The following SNX16 variants were observed in gnomAD, a reference collection of about 807,000 sequenced individuals.
SNX16 encodes the protein sorting nexin-16.
Under a neutral mutation model 36.7 loss-of-function variants are expected in SNX16, and 35 were observed. The observed-to-expected ratio is 0.95, with a 90% confidence interval of 0.73 to 1.27. SNX16 has a LOEUF of 1.27. SNX16 is among the 50% of genes most tolerant of loss of function. The pLI is 0.00. For missense variants in SNX16, 367 were observed against 393.6 expected (o/e 0.93, Z 0.57); for synonymous variants, 134 against 132.0 (o/e 1.02, Z -0.10).
intron 5 of SNX16, among the ~76,000 whole-genome samples, chr8:81,804,177 A>C (rs1488356746): frequency 1.3e-5 from 2 of 151,820 alleles, no homozygotes; most frequent in East Asian, 3.9e-4. Flanking sequence ...CACTCAGTTA[A>C]ATCATACTTC....
rs779445225 is a variant in SNX16, at chr8:81,815,431, A to G, written c.612-37T>C. 5 of 1,587,436 alleles carry G rather than the reference A, an allele frequency of 3.1e-6. No homozygotes were observed. The African/African-American group carries it at 5.4e-5, about 17-fold the overall frequency. On this transcript the variant is annotated intron_variant, in intron 4 of 7. Transcript: ENST00000345957. Reference sequence around the variant, plus strand: ...AAAAAAAAAATGATCTGAAGTACAAATAAGTTTGCAAAAGATAGCAAAAAG... The same window carrying G: ...AAAAAAAAAATGATCTGAAGTACAAGTAAGTTTGCAAAAGATAGCAAAAAG...
intron 3 of SNX16, among the ~76,000 whole-genome samples, chr8:81,827,345 T>C (rs1811064277): frequency 1.3e-5 from 2 of 152,168 alleles, no homozygotes; most frequent in Non-Finnish European, 2.9e-5. Context: ...TAAATAGGTC[T>C]ACAATGAAAC....
rs1810095054 is a variant in SNX16 at position 81,808,848 on chromosome 8, A to G, written c.682-5620T>C. The G allele has an allele frequency of 4.4e-6, 3 of 686,666 alleles. No homozygotes were observed. In the Admixed American group the frequency reaches 6.2e-5, roughly 14 times the overall value. 42.5% of individuals were successfully genotyped at this position (686,666 alleles called of 1,614,324 possible). The stretch of plus-strand genomic sequence containing the variant: ...AGTGGTGGCAGGGCCTAGCTGCTAC[A>G]AAGAAGACATGTTTTAGACAAATAC... On this transcript the variant is annotated intron_variant, in intron 5 of 7. Coordinates refer to ENST00000345957, the MANE Select transcript of SNX16 (RefSeq NM_152836.3).
At chr8:81,811,369 T>C in intron 5 of SNX16, among the ~76,000 whole-genome samples, 1 of 152,124 alleles carries the variant, frequency 6.6e-6, no homozygotes. Context: ...GAATAGGAGA[T>C]GGGAAAGGAT....
chr8:81,832,906 G>A (rs532971604), intron 2 of SNX16, among the ~76,000 whole-genome samples: 14 of 150,534 alleles, frequency 9.3e-5, no homozygotes, highest in East Asian at 2.0e-4. Context: ...CTTCTTTTCT[G>A]GACATTTGCT....
At chr8:81,821,392 C>A (rs1217307179) in intron 4 of SNX16, among the ~76,000 whole-genome samples, 1 of 150,816 alleles carries the variant, frequency 6.6e-6, no homozygotes, top group Non-Finnish European at 1.5e-5. Flanking sequence ...TTTAATTCAC[C>A]ATAATATTTT....
intron 5 of SNX16, among the ~76,000 whole-genome samples, chr8:81,811,095 G>C (rs1264436669): frequency 6.6e-6 from 1 of 152,158 alleles, no homozygotes; most frequent in Non-Finnish European, 1.5e-5. Flanking sequence ...AAAAATCCTG[G>C]AATCCTTGAG....
At chr8:81,840,853 T>C (rs1177355485) in intron 1 of SNX16, among the ~76,000 whole-genome samples, 1 of 152,228 alleles carries the variant, frequency 6.6e-6, no homozygotes. Flanking sequence ...GTCAGAATAG[T>C]ATCATAACAC....
chr8:81,808,057 C>T, intron 5 of SNX16: 1 of 999,312 alleles, frequency 1.0e-6, no homozygotes, highest in Non-Finnish European at 1.6e-6. Context: ...GGAAGATTCT[C>T]AAAGACCAGT....
chr8:81,818,777 A>G (rs1397000534), intron 4 of SNX16, among the ~76,000 whole-genome samples: 1 of 152,056 alleles, frequency 6.6e-6, no homozygotes, highest in Non-Finnish European at 1.5e-5. Flanking sequence ...GAAATGCAAA[A>G]TCTTCCCCTC....
chr8:81,839,563 T>TGTTGTAAAACTGGAAGCAG, intron 2 of SNX16, 49 bp downstream of exon 2: 1 of 1,506,196 alleles, frequency 6.6e-7, no homozygotes, highest in Non-Finnish European at 8.9e-7. Flanking sequence ...ACACAGAGAT[T>TGTTGTAAAACTGGAAGCAG]AGCCAATCTT....
At chr8:81,803,592 C>T (rs1352964944) in intron 5 of SNX16, among the ~76,000 whole-genome samples, 1 of 151,964 alleles carries the variant, frequency 6.6e-6, no homozygotes, top group Non-Finnish European at 1.5e-5. Context: ...CCTAGTCATA[C>T]ATGATTACAC....
At chr8:81,839,405 T>A (rs1811635724) in intron 2 of SNX16, among the ~76,000 whole-genome samples, 1 of 152,198 alleles carries the variant, frequency 6.6e-6, no homozygotes, top group Non-Finnish European at 1.5e-5. Context: ...TATTAATAGT[T>A]ACATAGGTGT....
At chr8:81,833,724 CCT>C (rs371714994) in intron 2 of SNX16, among the ~76,000 whole-genome samples, 64 of 152,250 alleles carry the variant, frequency 4.2e-4, no homozygotes, top group Middle Eastern at 3.4e-3. Context: ...ACTGAATACC[CCT>C]GTTTCTCTAG....
At chr8:81,839,528 T>G in intron 2 of SNX16, 84 bp downstream of exon 2, 1 of 1,275,430 alleles carries the variant, frequency 7.8e-7, no homozygotes, top group South Asian at 1.6e-5. Flanking sequence ...AAGTACAAGT[T>G]TACATTAATT....
chr8:81,806,675 T>C (rs957131810), intron 5 of SNX16, among the ~76,000 whole-genome samples: 1 of 152,086 alleles, frequency 6.6e-6, no homozygotes, highest in Non-Finnish European at 1.5e-5. Flanking sequence ...AGAATCTATC[T>C]AGCAAAATAA....
chr8:81,819,423 A>G (rs1482484163), intron 4 of SNX16, among the ~76,000 whole-genome samples: 1 of 152,008 alleles, frequency 6.6e-6, no homozygotes, highest in Non-Finnish European at 1.5e-5. Flanking sequence ...CGATTATGAT[A>G]TTTCCTATCA....
chr8:81,819,987 T>G (rs1371200259), intron 4 of SNX16, among the ~76,000 whole-genome samples: 1 of 152,020 alleles, frequency 6.6e-6, no homozygotes, highest in Non-Finnish European at 1.5e-5. Flanking sequence ...ATACAAAAAG[T>G]GAAAGAACAA....
At chr8:81,821,392 CATA>C (rs1278794387) in intron 4 of SNX16, among the ~76,000 whole-genome samples, 4 of 150,818 alleles carry the variant, frequency 2.7e-5, no homozygotes, top group Admixed American at 1.3e-4. Flanking sequence ...TTTAATTCAC[CATA>C]ATATTTTAAA....
Sources: gnomAD v4.1 joint callset for allele counts (sites outside exome capture counted in the v4.1 genomes callset) on GRCh38, gnomAD v4.1.1 for gene constraint, MANE v1.5 for transcripts, NCBI Gene and HGNC (gene_info 2026-07-23, HGNC 2026-07-21) for gene names.